The following ADAMTS17 variants were observed in gnomAD, a reference collection of about 807,000 sequenced individuals.
ADAMTS17 encodes the protein A disintegrin and metalloproteinase with thrombospondin motifs 17.
A neutral mutation model predicts 141.5 loss-of-function variants in ADAMTS17; 113 were observed. The ratio of observed to expected loss-of-function variants is 0.80; its 90% CI spans 0.69 to 0.93. The LOEUF (loss-of-function observed/expected upper bound fraction) is 0.93, where lower values mean the gene tolerates loss of function less well. Among genes scored for constraint, ADAMTS17 ranks in the 40% least tolerant of loss-of-function variants. The pLI, the probability that ADAMTS17 is intolerant of heterozygous loss-of-function variation, is 0.00. For synonymous variants in ADAMTS17, 768 were observed against 630.6 expected, an observed-to-expected ratio of 1.22 and a Z score of -3.27; for missense variants, 1,659 against 1,517.9, an observed-to-expected ratio of 1.09 and a Z score of -1.54.
intron 15 of ADAMTS17, among the ~76,000 whole-genome samples, chr15:100,055,877 A>G (rs987992435): frequency 6.6e-6 from 1 of 152,204 alleles, no homozygotes; most frequent in Non-Finnish European, 1.5e-5. Flanking sequence ...GGGTGAGGCA[A>G]TGGGGGCAGA....
chr15:100,074,717 G>T (rs1179876135), intron 15 of ADAMTS17, among the ~76,000 whole-genome samples: 1 of 152,064 alleles, frequency 6.6e-6, no homozygotes, highest in Non-Finnish European at 1.5e-5. Context: ...TTTGGTATCA[G>T]TATTATTCTT....
At chr15:100,070,716 C>T (rs2033907061) in intron 15 of ADAMTS17, among the ~76,000 whole-genome samples, 2 of 149,682 alleles carry the variant, frequency 1.3e-5, no homozygotes, top group South Asian at 4.3e-4. Flanking sequence ...CACAACATAC[C>T]AGAATCTCTG....
intron 16 of ADAMTS17, among the ~76,000 whole-genome samples, chr15:100,052,340 T>C (rs954262347): frequency 2.6e-5 from 4 of 152,234 alleles, no homozygotes; most frequent in African/African-American, 4.8e-5. Flanking sequence ...GCTTTCTATA[T>C]AGAGGCAAAG....
At chr15:100,151,521 G>T (rs1385393577) in intron 10 of ADAMTS17, among the ~76,000 whole-genome samples, 2 of 152,154 alleles carry the variant, frequency 1.3e-5, no homozygotes, top group East Asian at 3.9e-4. Flanking sequence ...GCTTGCTCCA[G>T]GAACCTGCCC....
intron 7 of ADAMTS17, among the ~76,000 whole-genome samples, chr15:100,251,628 G>C (rs536238570): frequency 6.6e-6 from 1 of 152,240 alleles, no homozygotes; most frequent in Non-Finnish European, 1.5e-5. Context: ...AGGAGGCTGA[G>C]GCAGGAGAAT....
In ADAMTS17 at chr15:100,172,414, T is replaced by C. The variant is rs142797732; in HGVS notation, c.1182-17094A>G. ...TCCATTTTAAAGTTTAACTTCCTCA[T>C]AGTTTCAGTAAACAAAATTTTCCAC... On this transcript the variant is annotated intron_variant, in intron 8 of 21. Coordinates refer to ENST00000268070, the MANE Select transcript of ADAMTS17 (RefSeq NM_139057.4). Among the ~76,000 whole-genome samples, 804 of 152,352 alleles carry C rather than the reference T, an allele frequency of 5.3e-3. 8 individuals are homozygous for C. The highest frequency in any genetic ancestry group is 0.018 in the African/African-American group (751 of 41,576).
chr15:100,265,180 A>G (rs1471652420), intron 4 of ADAMTS17, among the ~76,000 whole-genome samples: 5 of 152,208 alleles, frequency 3.3e-5, no homozygotes, highest in African/African-American at 9.7e-5. Context: ...CAAGGCTCAG[A>G]GCACAGGGCA....
At chr15:100,006,350 A>T (rs1164240789) in intron 18 of ADAMTS17, among the ~76,000 whole-genome samples, 2 of 151,880 alleles carry the variant, frequency 1.3e-5, no homozygotes, top group African/African-American at 4.8e-5. Flanking sequence ...TTCTGAAAAA[A>T]CTCAGCTCCT....
intron 2 of ADAMTS17, among the ~76,000 whole-genome samples, chr15:100,334,136 T>G (rs1012584725): frequency 2.0e-5 from 3 of 152,214 alleles, no homozygotes; most frequent in Non-Finnish European, 4.4e-5. Context: ...AATCAGGCAT[T>G]GTTCACGCCA....
chr15:100,122,259 A>G (rs1271169730), intron 12 of ADAMTS17, among the ~76,000 whole-genome samples: 1 of 152,206 alleles, frequency 6.6e-6, no homozygotes, highest in Admixed American at 6.5e-5. Flanking sequence ...CACCTGTTAT[A>G]GCTAATATTT....
intron 14 of ADAMTS17, among the ~76,000 whole-genome samples, chr15:100,108,296 C>T (rs536003855): frequency 1.3e-5 from 2 of 152,188 alleles, no homozygotes; most frequent in South Asian, 2.1e-4. Context: ...CTCAGCCTCC[C>T]GAGTAGCTGG....
chr15:100,200,606 G>C (rs2041291952), intron 7 of ADAMTS17, among the ~76,000 whole-genome samples: 2 of 152,216 alleles, frequency 1.3e-5, no homozygotes, highest in African/African-American at 4.8e-5. Context: ...CACGCAAGCG[G>C]ATGGTGGCAT....
intron 3 of ADAMTS17, among the ~76,000 whole-genome samples, chr15:100,289,225 C>T (rs2044547859): frequency 1.3e-5 from 2 of 152,148 alleles, no homozygotes; most frequent in Non-Finnish European, 2.9e-5. Context: ...TCTATGCACA[C>T]AAACTAGAAA....
At chr15:100,223,566 A>G (rs138185321) in intron 7 of ADAMTS17, among the ~76,000 whole-genome samples, 1,555 of 152,186 alleles carry the variant, frequency 0.01, 16 homozygotes, top group Middle Eastern at 0.02. Context: ...CTCTGAGAAG[A>G]GGAGATGAAT....
intron 10 of ADAMTS17, among the ~76,000 whole-genome samples, chr15:100,140,478 C>T (rs1028726077): frequency 7.2e-5 from 5 of 69,070 alleles, no homozygotes; most frequent in South Asian, 6.3e-4. Context: ...CAGACACACA[C>T]ACATACATAC....
intron 7 of ADAMTS17, among the ~76,000 whole-genome samples, chr15:100,208,596 G>C (rs1489906865): frequency 6.6e-6 from 1 of 152,190 alleles, no homozygotes; most frequent in Non-Finnish European, 1.5e-5. Context: ...GGCTGATATT[G>C]TCTTGTTTCT....
At chr15:100,184,380 C>T (rs1338305959) in intron 8 of ADAMTS17, among the ~76,000 whole-genome samples, 1 of 152,234 alleles carries the variant, frequency 6.6e-6, no homozygotes, top group African/African-American at 2.4e-5. Context: ...TTGTCGTTCT[C>T]AAGCCCTGGG....
chr15:100,002,959 C>T (rs116625128), intron 18 of ADAMTS17, among the ~76,000 whole-genome samples: 2,188 of 152,162 alleles, frequency 0.014, 78 homozygotes, highest in African/African-American at 0.05. Flanking sequence ...CCACGGGTGC[C>T]GCCCTGCTCC....
chr15:100,206,568 T>G (rs921934109), intron 7 of ADAMTS17, among the ~76,000 whole-genome samples: 2 of 152,210 alleles, frequency 1.3e-5, no homozygotes, highest in Non-Finnish European at 2.9e-5. Context: ...CTTCTCTCAC[T>G]GGAAATGTCT....
Sources: allele counts gnomAD v4.1 joint callset (sites outside exome capture counted in the v4.1 genomes callset), GRCh38; gene constraint gnomAD v4.1.1; transcripts MANE v1.5; gene names NCBI Gene and HGNC (gene_info 2026-07-23, HGNC 2026-07-21).